MMP26: variants seen among roughly 807,000 people sequenced by gnomAD.
MMP26 encodes matrix metalloproteinase-26.
MMP26 carries 33 observed loss-of-function variants against 31.0 expected under a neutral mutation model. The observed-to-expected ratio is 1.06, with a 90% CI of 0.81 to 1.42. The LOEUF (loss-of-function observed/expected upper bound fraction) is 1.42. Among genes scored for constraint, MMP26 ranks in the 40% most tolerant of loss-of-function variants. The pLI, the probability that MMP26 is intolerant of heterozygous loss-of-function variation, is 0.00. For synonymous variants in MMP26, 122 were observed against 114.9 expected (o/e 1.06, Z -0.40); for missense variants, 347 against 316.1 (o/e 1.10, Z -0.74).
At chr11:4,870,607 C>T (rs1257230295) in intron 2 of MMP26, among the ~76,000 whole-genome samples, 1 of 151,878 alleles carries the variant, frequency 6.6e-6, no homozygotes, top group Non-Finnish European at 1.5e-5. Flanking sequence ...CTGAATAGTA[C>T]CGTGGTGATG....
At chr11:4,874,711 G>C (rs1470902994) in intron 2 of MMP26, among the ~76,000 whole-genome samples, 2 of 151,984 alleles carry the variant, frequency 1.3e-5, no homozygotes, top group African/African-American at 4.8e-5. Flanking sequence ...GGCTAGACTG[G>C]CCTGAAAAGG....
chr11:4,986,114 G>T (rs1469282425), intron 2 of MMP26, among the ~76,000 whole-genome samples: 1 of 152,138 alleles, frequency 6.6e-6, no homozygotes, highest in Non-Finnish European at 1.5e-5. Flanking sequence ...TCCTGTTGAT[G>T]AAGTATTTCG....
chr11:4,924,232 G>C lies in MMP26; in HGVS notation c.-144-63836G>C, dbSNP rs755502785. ...GGTTCCCCAAGATAACTGTCAGGTA[G>C]ATGAAGCAGAAGGGAATAGAGATCC... On this transcript the variant is annotated intron_variant, in intron 2 of 7. Transcript: ENST00000380390. The C allele has an allele frequency of 2.5e-5, 40 of 1,614,092 alleles. No homozygotes were observed. The Admixed American group carries it at 5.5e-4, about 22-fold the overall frequency.
chr11:4,953,168 C>T (rs1239938201), intron 2 of MMP26, among the ~76,000 whole-genome samples: 1 of 125,002 alleles, frequency 8.0e-6, no homozygotes, highest in Non-Finnish European at 1.8e-5. Flanking sequence ...ATCAATGATA[C>T]GCCTGTATTT....
chr11:4,907,592 C>A (rs1564804480), intron 2 of MMP26: 1 of 1,613,940 alleles, frequency 6.2e-7, no homozygotes, highest in Non-Finnish European at 8.5e-7. Flanking sequence ...GGGCCTGTCC[C>A]TCTCCTCCCT....
rs80353214 is a variant in MMP26, at chr11:4,909,982, C to A, written c.-144-78086C>A. ...GTATTTTTTTTGGTCAGAAAAACTGCATTCATTTTCTATTTCTGCATAACA... is the reference window on the plus strand; with the variant it reads ...GTATTTTTTTTGGTCAGAAAAACTGAATTCATTTTCTATTTCTGCATAACA... On this transcript the variant is annotated intron_variant, in intron 2 of 7. Transcript: ENST00000380390. 4.7e-3 allele frequency among the ~76,000 whole-genome samples: 708 copies of A among 152,100 alleles called. 6 individuals carry two copies. The highest frequency in any genetic ancestry group is 0.016 in the African/African-American group (652 of 41,504).
chr11:4,715,438 C>A (rs1366825542), intron 1 of MMP26, among the ~76,000 whole-genome samples: 1 of 151,282 alleles, frequency 6.6e-6, no homozygotes, highest in Non-Finnish European at 1.5e-5. Context: ...GAAATAAATT[C>A]ATGTTTAATT....
At chr11:4,969,936 C>G (rs1476243986) in intron 2 of MMP26, among the ~76,000 whole-genome samples, 2 of 152,026 alleles carry the variant, frequency 1.3e-5, no homozygotes, top group Non-Finnish European at 2.9e-5. Context: ...ATTTCATTTA[C>G]AGGCACTCAC....
intron 5 of MMP26, 101 bp from the exon 6 acceptor site, chr11:4,991,270 C>T: frequency 7.1e-7 from 1 of 1,413,642 alleles, no homozygotes; most frequent in Non-Finnish European, 9.6e-7. Flanking sequence ...CAGTGGTAGA[C>T]TGTTGCACAG....
Position 4,991,436 on chromosome 11 carries a change from T to C in MMP26, c.535T>C (p.Ser179Pro). The change falls in exon 6 of 8, where the codon TCT becomes CCT. Residue 179 changes from serine to proline, a missense_variant. Physicochemically the swap from Ser to Pro is moderately conservative, Grantham distance 74 (BLOSUM62 -1). Transcript: ENST00000380390. The part of the protein sequence containing the change: ...GILGHAFLPN[S>P]GNPGVVHFDK... ...CTTAGGCCATGCCTTTTTACCAAAT[T>C]CTGGAAATCCTGGAGTTGTCCATTT... 6.2e-7 allele frequency: 1 copy of C among 1,614,066 alleles called. No individual in the cohort carries two copies. Among genetic ancestry groups the C allele is most frequent in the Non-Finnish European group, 8.5e-7 (1 of 1,179,920 alleles).
chr11:4,812,644 T>G (rs1849365397), intron 2 of MMP26, among the ~76,000 whole-genome samples: 2 of 152,216 alleles, frequency 1.3e-5, no homozygotes, highest in Admixed American at 6.5e-5. Context: ...TGTATTTATT[T>G]CACACTCATT....
chr11:4,917,165 A>G lies in MMP26; in HGVS notation c.-144-70903A>G, dbSNP rs185863410. ...ATGCCAAGAATGTTTTTTTGCATGA[A>G]TAAGTTATTTTTTATTTCGCTAACT... On this transcript the variant is annotated intron_variant, in intron 2 of 7. Coordinates refer to ENST00000380390, the MANE Select transcript of MMP26 (RefSeq NM_021801.5). Among the ~76,000 whole-genome samples, 9 of 152,260 alleles carry G rather than the reference A, an allele frequency of 5.9e-5. No homozygotes were observed. In the East Asian group the frequency reaches 1.5e-3, roughly 26 times the overall value.
At chr11:4,896,456 G>A (rs1167971683) in intron 2 of MMP26, among the ~76,000 whole-genome samples, 1 of 152,098 alleles carries the variant, frequency 6.6e-6, no homozygotes, top group African/African-American at 2.4e-5. Context: ...CCCTGGGTCA[G>A]GATCAGATCA....
Position 4,991,351 on chromosome 11 carries a change from A to G in MMP26, c.470-20A>G. 2 of 1,607,896 alleles carry G rather than the reference A, an allele frequency of 1.2e-6. No individual in the cohort carries two copies. The highest frequency in any genetic ancestry group is 1.7e-6 in the Non-Finnish European group (2 of 1,176,056). On this transcript the variant is annotated intron_variant, in intron 5 of 7. Transcript: ENST00000380390. ...TTCTACCTCCACCCTCATTGTGATC[A>G]TAGCTTCTGTCGTCCACAGCCCATG...
At chr11:4,945,344 C>A (rs1846278535) in intron 2 of MMP26, 1 of 152,090 alleles carries the variant, frequency 6.6e-6, no homozygotes, top group African/African-American at 2.4e-5. Flanking sequence ...TCTGTAAATT[C>A]AAAAACTGTT....
intron 1 of MMP26, among the ~76,000 whole-genome samples, chr11:4,748,080 T>C (rs372435529): frequency 6.7e-6 from 1 of 148,746 alleles, no homozygotes; most frequent in African/African-American, 2.5e-5. Context: ...AGAGAGGAAA[T>C]TCAAATAAGT....
At chr11:4,881,988 C>T in intron 2 of MMP26, 1 of 1,613,908 alleles carries the variant, frequency 6.2e-7, no homozygotes, top group Non-Finnish European at 8.5e-7. Flanking sequence ...GTCTGGATCT[C>T]CATTCCAGTC....
chr11:4,765,195 G>A (rs111967876), intron 1 of MMP26, among the ~76,000 whole-genome samples: 2 of 152,130 alleles, frequency 1.3e-5, no homozygotes, highest in Non-Finnish European at 2.9e-5. Context: ...TTGCCCAGGA[G>A]CTGTTTCTAG....
rs1005288243 is a variant in MMP26 at position 4,867,873 on chromosome 11, C to T, written c.-145+100532C>T. On this transcript the variant is annotated intron_variant, in intron 2 of 7. Coordinates refer to ENST00000380390, the MANE Select transcript of MMP26 (RefSeq NM_021801.5). ...CCTAGAGGCAGAAATACCATTTGACCGAGAAATCCCATTACTGGGTATATA... is the reference window on the plus strand; with the variant it reads ...CCTAGAGGCAGAAATACCATTTGACTGAGAAATCCCATTACTGGGTATATA... Among the ~76,000 whole-genome samples the T allele has an allele frequency of 2.7e-4, 41 of 152,066 alleles. 1 individual carries two copies. Among genetic ancestry groups the T allele is most frequent in the African/African-American group, 8.4e-4 (35 of 41,492 alleles).
Sources: gnomAD v4.1 joint callset for allele counts (sites outside exome capture counted in the v4.1 genomes callset) on GRCh38, gnomAD v4.1.1 for gene constraint, MANE v1.5 for transcripts, NCBI Gene and HGNC (gene_info 2026-07-23, HGNC 2026-07-21) for gene names.